COL3A1: variants seen among roughly 807,000 people sequenced by gnomAD.
COL3A1 encodes the protein collagen type III alpha 1 chain, also known as collagen alpha-1(III) chain.
COL3A1 carries 46 observed loss-of-function variants against 200.9 expected under a neutral mutation model. The ratio of observed to expected loss-of-function variants is 0.23; its 90% CI spans 0.18 to 0.29. The LOEUF (loss-of-function observed/expected upper bound fraction) is 0.29. COL3A1 is among the 10% of genes least tolerant of loss of function. The pLI is 1.00. For synonymous variants in COL3A1, 650 were observed against 628.0 expected (o/e 1.03, Z -0.52); for missense variants, 1,367 against 1,917.6 (o/e 0.71, Z 5.36).
At chr2:188,975,329 T>C (rs1013381421) in intron 1 of COL3A1, among the ~76,000 whole-genome samples, 10 of 152,218 alleles carry the variant, frequency 6.6e-5, no homozygotes, top group African/African-American at 2.4e-4. Context: ...ACTAGTACTG[T>C]TTGACTTCAG....
chr2:188,992,427 TTG>T (rs1386346466), intron 14 of COL3A1, among the ~76,000 whole-genome samples, 199 bp downstream of exon 14: 1 of 152,164 alleles, frequency 6.6e-6, no homozygotes, highest in Non-Finnish European at 1.5e-5. Flanking sequence ...ATACTTAATA[TTG>T]TATATACACT....
In COL3A1 at chr2:188,989,981, G is replaced by A. The variant is rs531740175; in HGVS notation, c.691-115G>A. The A allele has an allele frequency of 5.4e-6, 5 of 933,286 alleles. No homozygotes were observed. In the East Asian group the frequency reaches 1.2e-4, roughly 23 times the overall value. The allele number at this position is 933,286 out of a possible 1,614,324, so 57.8% of individuals were successfully genotyped here. The stretch of plus-strand genomic sequence containing the variant: ...AGCTGATCTCAACTATACATTTTGT[G>A]GAACCATTTTAATGAGTCCTTTGTG... On this transcript the variant is annotated intron_variant, in intron 8 of 50. Coordinates refer to ENST00000304636, the MANE Select transcript of COL3A1 (RefSeq NM_000090.4).
In COL3A1 at chr2:189,011,822, T is replaced by C. The variant is rs762925767; in HGVS notation, c.*48T>C. 1 of 1,599,378 alleles carries C rather than the reference T, an allele frequency of 6.3e-7. No individual in the cohort carries two copies. The highest frequency in any genetic ancestry group is 1.1e-5 in the South Asian group (1 of 90,712). ...AACAAAAAAAATTTAACTCCATATG[T>C]GTTCCTCTTGTTCTAATCTTGTCAA... On this transcript the variant is annotated 3_prime_UTR_variant, in exon 51 of 51. Coordinates refer to ENST00000304636, the MANE Select transcript of COL3A1 (RefSeq NM_000090.4).
chr2:188,974,528 C>A lies in COL3A1; in HGVS notation c.39C>A (p.Leu13=), dbSNP rs1343634872. Residue 13 remains leucine, a synonymous_variant, in exon 1 of 51, where the codon CTC becomes CTA. Coordinates refer to ENST00000304636, the MANE Select transcript of COL3A1 (RefSeq NM_000090.4). ...TGCAAAAGGGGAGCTGGCTACTTCT[C>A]GCTCTGCTTCATCCCACTATTATTT... ...SFVQKGSWLL[L]ALLHPTIILA... The A allele has an allele frequency of 2.5e-6, 4 of 1,614,046 alleles. No homozygotes were observed. Among genetic ancestry groups the A allele is most frequent in the South Asian group, 1.1e-5 (1 of 91,078 alleles).
rs1270244946 is a variant in COL3A1 at position 189,009,002 on chromosome 2, G to A, written c.3604G>A (p.Ala1202Thr). The A allele has an allele frequency of 1.2e-6, 2 of 1,614,210 alleles. No homozygotes were observed. The highest frequency in any genetic ancestry group is 4.5e-5 in the East Asian group (2 of 44,882). ...APGPCCGGVG[A>T]AAIAGIGGEK... Reference sequence around the variant, plus strand: ...TGGTCCTTGCTGTGGTGGTGTTGGAGCCGCTGCCATTGCTGGGATTGGAGG... The same window carrying A: ...TGGTCCTTGCTGTGGTGGTGTTGGAACCGCTGCCATTGCTGGGATTGGAGG... The change falls in exon 48 of 51, where the codon GCC becomes ACC. Residue 1202 changes from alanine to threonine, a missense_variant. Ala to Thr is a moderately conservative substitution (Grantham distance 58). Around this residue, in one of 5 missense-constraint regions of COL3A1, gnomAD observed 846 missense variants for 1,147.9 expected, o/e 0.74. Coordinates refer to ENST00000304636, the MANE Select transcript of COL3A1 (RefSeq NM_000090.4).
chr2:189,008,874 G>C (rs770433127), intron 47 of COL3A1, 50 bp from the exon 48 acceptor site: 2 of 1,561,710 alleles, frequency 1.3e-6, no homozygotes, highest in Non-Finnish European at 1.8e-6. Context: ...TATTCTTAGA[G>C]TGGCGACTGA....
chr2:188,985,150 A>G (rs1688038176), intron 2 of COL3A1, 47 bp from the exon 3 acceptor site: 2 of 1,573,920 alleles, frequency 1.3e-6, no homozygotes, highest in Non-Finnish European at 1.7e-6. Context: ...ACTAAATAAT[A>G]TGCAAATTCT....
chr2:188,992,973 A>T (rs773275503), intron 15 of COL3A1, 33 bp downstream of exon 15: 6 of 1,602,322 alleles, frequency 3.7e-6, no homozygotes, highest in South Asian at 2.2e-5. Flanking sequence ...GGGTATAAAA[A>T]TATCTTGGAG....
chr2:188,998,809 T>G, intron 29 of COL3A1, 91 bp downstream of exon 29: 1 of 1,166,948 alleles, frequency 8.6e-7, no homozygotes, highest in Non-Finnish European at 1.3e-6. Flanking sequence ...CAAAATACTC[T>G]TTCTTTAAAA....
chr2:188,990,473 A>C, intron 10 of COL3A1, 113 bp downstream of exon 10: 1 of 919,134 alleles, frequency 1.1e-6, no homozygotes, highest in Non-Finnish European at 1.7e-6. Context: ...ACAATTAATT[A>C]ATTTGATATT....
Position 188,988,123 on chromosome 2 carries a change from C to T in COL3A1, c.571C>T (p.Pro191Ser). 6.2e-7 allele frequency: 1 copy of T among 1,612,612 alleles called. No homozygotes were observed. Among genetic ancestry groups the T allele is most frequent in the Non-Finnish European group, 8.5e-7 (1 of 1,178,800 alleles). Reference protein sequence around the residue: ...PPGPPGTSGHPGSPGSPGYQG... With the variant: ...PPGPPGTSGHSGSPGSPGYQG... ...CGGTCCCCCTGGTACATCTGGTCAT[C>T]CTGGTTCCCCTGTAAGTATAGCCAT... Residue 191 changes from proline (P) to serine (S), a missense_variant, in exon 6 of 51, where the codon CCT becomes TCT. This residue lies in a region of COL3A1 where 462 missense variants were observed against 681.4 expected (regional missense o/e 0.68). Transcript: ENST00000304636.
chr2:189,006,158 T>C lies in COL3A1; in HGVS notation c.3040-48T>C, dbSNP rs375319807. The C allele has an allele frequency of 3.7e-5, 59 of 1,591,474 alleles. No individual in the cohort carries two copies. In the African/African-American group the frequency reaches 7.5e-4, roughly 20 times the overall value. ...CTGAGAATGCATGGATGAAATGGCA[T>C]TTGGAAGGTTTCAAGAAATTTTATT... On this transcript the variant is annotated intron_variant, in intron 41 of 50. Transcript: ENST00000304636.
Position 188,998,807 on chromosome 2 carries a change from T to A in COL3A1, c.2022+89T>A, listed in dbSNP as rs961801482. The A allele has an allele frequency of 5.1e-6, 6 of 1,183,760 alleles. No homozygotes were observed. In the African/African-American group the frequency reaches 9.1e-5, roughly 18 times the overall value. 73.3% of individuals were successfully genotyped at this position (1,183,760 alleles called of 1,614,324 possible). ...TTTTTAGTATATCAAGCCAAAATAC[T>A]CTTTCTTTAAAAGAGCATCATTGCA... On this transcript the variant is annotated intron_variant, in intron 29 of 50. Transcript: ENST00000304636.
At chr2:189,009,898 G>A (rs1224650130) in intron 48 of COL3A1, among the ~76,000 whole-genome samples, 1 of 152,036 alleles carries the variant, frequency 6.6e-6, no homozygotes, top group Non-Finnish European at 1.5e-5. Context: ...TTTTTTAAAG[G>A]AGAGACTTTT....
chr2:188,985,745 T>G lies in COL3A1; in HGVS notation c.414T>G (p.Pro138=), dbSNP rs1454063115. The change falls in exon 4 of 51, where the codon CCT becomes CCG. Residue 138 remains proline (P), a synonymous_variant. Coordinates refer to ENST00000304636, the MANE Select transcript of COL3A1 (RefSeq NM_000090.4). ...QPGSPGSPGP[P]GICESCPTGP... The stretch of plus-strand genomic sequence containing the variant: ...GGTCCCCTGGTTCTCCTGGCCCCCC[T>G]GGAATCTGTGAATCATGCCCTACTG... 4 of 1,611,688 alleles carry G rather than the reference T, an allele frequency of 2.5e-6. No homozygotes were observed. The highest frequency in any genetic ancestry group is 3.4e-6 in the Non-Finnish European group (4 of 1,178,798).
rs1688255827 is a variant in COL3A1, at chr2:188,994,421, A to G, written c.1293+89A>G. The G allele has an allele frequency of 3.2e-6, 5 of 1,576,926 alleles. No individual in the cohort carries two copies. In the Admixed American group the frequency reaches 5.1e-5, roughly 16 times the overall value. Reference sequence around the variant, plus strand: ...TAATAGCAAAATTTTGCTCCTGTTCAGTTGAATTTATATTGACTTCACTCT... The same window carrying G: ...TAATAGCAAAATTTTGCTCCTGTTCGGTTGAATTTATATTGACTTCACTCT... On this transcript the variant is annotated intron_variant, in intron 18 of 50. Transcript: ENST00000304636. This position sits in a 1 kb window ranked among gnomAD's most constrained non-coding sequence, Gnocchi z 4.5.
chr2:188,978,405 C>T (rs574006166), intron 1 of COL3A1, among the ~76,000 whole-genome samples: 1 of 152,082 alleles, frequency 6.6e-6, no homozygotes, highest in South Asian at 2.1e-4. Context: ...CCCTGTTCTA[C>T]ATCTACGGTC....
At position 189,009,202 on chromosome 2, in the gene COL3A1, C is replaced by T; in HGVS notation, c.3804C>T (p.Cys1268=). 6.2e-7 allele frequency: 1 copy of T among 1,614,130 alleles called. No homozygotes were observed. The highest frequency in any genetic ancestry group is 8.5e-7 in the Non-Finnish European group (1 of 1,180,040). The change falls in exon 48 of 51, where the codon TGC becomes TGT. Residue 1268 remains cysteine (C), a synonymous_variant. Coordinates refer to ENST00000304636, the MANE Select transcript of COL3A1 (RefSeq NM_000090.4). ...GAAACTGCAGAGACCTGAAATTCTG[C>T]CATCCTGAACTCAAGAGTGGTATGT... The part of the protein sequence containing the change: ...PARNCRDLKF[C]HPELKSGEYW...
At position 189,001,616 on chromosome 2, in the gene COL3A1, A is replaced by G. The variant is rs1559059630; in HGVS notation, c.2391+27A>G. ...TAAGTGTTAAAGACATTCTCAACAT[A>G]CTTTTTAACCCCATACAGACAGTAG... is the stretch of plus-strand genomic sequence containing the variant. On this transcript the variant is annotated intron_variant, in intron 34 of 50. Coordinates refer to ENST00000304636, the MANE Select transcript of COL3A1 (RefSeq NM_000090.4). The G allele has an allele frequency of 3.1e-6, 5 of 1,613,410 alleles. No individual in the cohort carries two copies. In the African/African-American group the frequency reaches 5.3e-5, roughly 17 times the overall value.
Sources: allele counts gnomAD v4.1 joint callset (sites outside exome capture counted in the v4.1 genomes callset), GRCh38; gene constraint gnomAD v4.1.1; regional missense constraint gnomAD v4.1.1; non-coding constraint Gnocchi (gnomAD v3.1); transcripts MANE v1.5; gene names NCBI Gene and HGNC (gene_info 2026-07-23, HGNC 2026-07-21).